The following PPP2R5C variants were observed in gnomAD, a reference collection of about 807,000 sequenced individuals.
PPP2R5C encodes protein phosphatase 2 regulatory subunit B'gamma.
PPP2R5C carries 7 observed loss-of-function variants against 68.9 expected under a neutral mutation model. The ratio of observed to expected loss-of-function variants is 0.10; its 90% CI spans 0.06 to 0.19. The LOEUF (loss-of-function observed/expected upper bound fraction) is 0.19. PPP2R5C is among the 10% of genes least tolerant of loss of function. The pLI is 1.00. For synonymous variants in PPP2R5C, 210 were observed against 222.2 expected (o/e 0.95, Z 0.49); for missense variants, 348 against 641.3 (o/e 0.54, Z 4.94).
intron 2 of PPP2R5C, among the ~76,000 whole-genome samples, chr14:101,764,160 C>A (rs964595650): frequency 6.6e-6 from 1 of 152,188 alleles, no homozygotes; most frequent in East Asian, 1.9e-4. Context: ...TCCTTCACAC[C>A]GTGAAGTGCC....
At chr14:101,836,547 C>A in intron 1 of PPP2R5C, 1 of 567,080 alleles carries the variant, frequency 1.8e-6, no homozygotes, top group East Asian at 2.8e-5. Flanking sequence ...AAATAAATTT[C>A]TTTAAATATA....
intron 13 of PPP2R5C, among the ~76,000 whole-genome samples, chr14:101,919,996 A>AAAAAAAAAAAACAG (rs1209842590): frequency 1.2e-4 from 18 of 149,714 alleles, no homozygotes; most frequent in South Asian, 2.1e-4. Context: ...AAAAAAACCA[A>AAAAAAAAAAAACAG]TTCTTACACA....
At chr14:101,772,254 AGAG>A (rs2037188376) in intron 2 of PPP2R5C, among the ~76,000 whole-genome samples, 1 of 152,056 alleles carries the variant, frequency 6.6e-6, no homozygotes, top group Admixed American at 6.6e-5. Flanking sequence ...AATTAAGGAA[AGAG>A]GAGGGCAAGA....
intron 2 of PPP2R5C, among the ~76,000 whole-genome samples, chr14:101,875,515 G>A (rs1015832533): frequency 2.6e-5 from 4 of 152,162 alleles, no homozygotes; most frequent in South Asian, 2.1e-4. Flanking sequence ...GGTGACTGAT[G>A]CGTGCTTTTC....
chr14:101,849,402 T>C (rs1383610330), intron 1 of PPP2R5C, among the ~76,000 whole-genome samples: 1 of 152,230 alleles, frequency 6.6e-6, no homozygotes, highest in Non-Finnish European at 1.5e-5. Context: ...CGTAGTGGTT[T>C]TAATTTGCAT....
chr14:101,809,694 G>C, upstream of PPP2R5C: 2 of 627,936 alleles, frequency 3.2e-6, no homozygotes, highest in South Asian at 6.3e-5. Flanking sequence ...GCTGCAAAAA[G>C]CCGGAAAATA....
chr14:101,787,631 G>T (rs914132294), intron 3 of PPP2R5C, among the ~76,000 whole-genome samples: 1 of 152,062 alleles, frequency 6.6e-6, no homozygotes, highest in Non-Finnish European at 1.5e-5. Flanking sequence ...GCCAGGCGTG[G>T]TGGCGGGCGC....
At chr14:101,901,693 C>T in intron 8 of PPP2R5C, 26 bp from the exon 11 acceptor site, 3 of 1,610,124 alleles carry the variant, frequency 1.9e-6, no homozygotes, top group Non-Finnish European at 2.5e-6. Context: ...GGGCATCAGT[C>T]ACTCCACGTG....
intron 1 of PPP2R5C, among the ~76,000 whole-genome samples, chr14:101,850,046 G>C (rs2042060825): frequency 6.6e-6 from 1 of 152,214 alleles, no homozygotes; most frequent in Non-Finnish European, 1.5e-5. Flanking sequence ...GATTGGGATA[G>C]CATTGAATCC....
At chr14:101,860,429 C>G (rs562124260) in intron 2 of PPP2R5C, among the ~76,000 whole-genome samples, 21 of 152,344 alleles carry the variant, frequency 1.4e-4, no homozygotes, top group African/African-American at 5.1e-4. Context: ...TTTTATTTAT[C>G]CACGTATCTG....
chr14:101,846,385 G>A (rs191484579), intron 1 of PPP2R5C, among the ~76,000 whole-genome samples: 1 of 152,182 alleles, frequency 6.6e-6, no homozygotes, highest in East Asian at 1.9e-4. Context: ...GATGTAACTT[G>A]ATTTTAGAGA....
intron 2 of PPP2R5C, among the ~76,000 whole-genome samples, chr14:101,777,679 G>A (rs1464883399): frequency 1.3e-5 from 2 of 151,928 alleles, no homozygotes; most frequent in South Asian, 2.1e-4. Context: ...TTAACTTGCC[G>A]AAGAACCACC....
At chr14:101,861,482 G>A (rs1566916041) in intron 2 of PPP2R5C, among the ~76,000 whole-genome samples, 3 of 152,222 alleles carry the variant, frequency 2.0e-5, no homozygotes, top group African/African-American at 7.2e-5. Context: ...GTACAACATT[G>A]CGCACCTTAG....
Position 101,786,008 on chromosome 14 carries a change from G to T in PPP2R5C, c.94-10G>T, listed in dbSNP as rs1419725777. 1.3e-6 allele frequency: 2 copies of T among 1,519,686 alleles called. No homozygotes were observed. The highest frequency in any genetic ancestry group is 2.5e-5 in the East Asian group (1 of 40,630). 94.1% of individuals were successfully genotyped at this position (1,519,686 alleles called of 1,614,324 possible). A position where few individuals can be genotyped will look rare whatever the true frequency, so the allele number is the denominator to read the frequency against. ...TACATATTCATTTGTTTTTGTTTTT[G>T]TTTTGGAAGCAAATTTCCGTCAGGA... On this transcript the variant is annotated splice_polypyrimidine_tract_variant and intron_variant, in intron 2 of 14. Transcript: ENST00000328724.
At chr14:101,918,394 C>T (rs1566971055) in intron 13 of PPP2R5C, among the ~76,000 whole-genome samples, 1 of 129,378 alleles carries the variant, frequency 7.7e-6, no homozygotes, top group African/African-American at 2.9e-5. Context: ...CCCCTCACCC[C>T]CTTGCCCCTC....
chr14:101,874,577 ACT>A (rs1210086060), intron 2 of PPP2R5C, among the ~76,000 whole-genome samples: 1 of 152,200 alleles, frequency 6.6e-6, no homozygotes, highest in Non-Finnish European at 1.5e-5. Flanking sequence ...AATATTCTAA[ACT>A]CAAAAAATAT....
chr14:101,766,030 G>A (rs892876996), intron 2 of PPP2R5C: 2 of 152,272 alleles, frequency 1.3e-5, no homozygotes, highest in South Asian at 2.1e-4. Flanking sequence ...GTCCAGGGCA[G>A]AGCAGCCAGA....
chr14:101,767,260 C>T (rs183949287), intron 2 of PPP2R5C, among the ~76,000 whole-genome samples: 101 of 152,256 alleles, frequency 6.6e-4, no homozygotes, highest in Non-Finnish European at 1.2e-3. Flanking sequence ...CTGACAGTCG[C>T]CTCAGGTCGC....
At chr14:101,924,808 T>C (rs980715179) in intron 13 of PPP2R5C, among the ~76,000 whole-genome samples, 1 of 152,148 alleles carries the variant, frequency 6.6e-6, no homozygotes. Flanking sequence ...ATGACATTTA[T>C]GAAATAGGAG....
Sources: allele counts gnomAD v4.1 joint callset (sites outside exome capture counted in the v4.1 genomes callset), GRCh38; gene constraint gnomAD v4.1.1; transcripts MANE v1.5; gene names NCBI Gene and HGNC (gene_info 2026-07-23, HGNC 2026-07-21).